The following SETDB2 variants were observed in gnomAD, a reference collection of about 807,000 sequenced individuals.
The protein encoded by SETDB2 is histone-lysine N-methyltransferase SETDB2.
In SETDB2, 56 loss-of-function variants were observed where a neutral mutation model predicts 82.5. The observed-to-expected ratio is 0.68, with a 90% CI of 0.55 to 0.85. SETDB2 has a LOEUF of 0.85. Ranked by LOEUF, SETDB2 falls within the 40% of genes least tolerant of loss-of-function variation. SETDB2 has a pLI of 0.00. For missense variants in SETDB2, 677 were observed against 816.4 expected (o/e 0.83, Z 2.08); for synonymous variants, 272 against 284.9 (o/e 0.95, Z 0.46).
intron 2 of SETDB2, among the ~76,000 whole-genome samples, chr13:49,455,893 T>C (rs974543408): frequency 3.2e-4 from 49 of 152,202 alleles, no homozygotes; most frequent in African/African-American, 1.1e-3. Context: ...TAATAACTTA[T>C]GTTGTTTCAT....
Position 49,491,911 on chromosome 13 carries a change from A to G in SETDB2, c.*62A>G, listed in dbSNP as rs376722511. On this transcript the variant is annotated 3_prime_UTR_variant, in exon 14 of 14. Coordinates refer to ENST00000611815, the MANE Select transcript of SETDB2 (RefSeq NM_001160308.3). The stretch of plus-strand genomic sequence containing the variant: ...CAGGCTGAAATTAAAGCCATGCAAA[A>G]GAAGGTCTAGGTCCATCAAGGAAAT... 1.7e-6 allele frequency: 2 copies of G among 1,150,938 alleles called. No individual in the cohort carries two copies. Among genetic ancestry groups the G allele is most frequent in the Non-Finnish European group, 2.6e-6 (2 of 761,544 alleles). 71.3% of individuals were successfully genotyped at this position (1,150,938 alleles called of 1,614,324 possible).
intron 6 of SETDB2, among the ~76,000 whole-genome samples, chr13:49,479,397 T>A (rs1313110600): frequency 1.3e-5 from 2 of 152,242 alleles, no homozygotes; most frequent in African/African-American, 2.4e-5. Flanking sequence ...AGAACAATTA[T>A]AGATTTTCAT....
chr13:49,460,068 T>G, intron 2 of SETDB2, 39 bp from the exon 3 acceptor site: 1 of 1,579,834 alleles, frequency 6.3e-7, no homozygotes, highest in Non-Finnish European at 8.6e-7. Flanking sequence ...ATAGTATTTT[T>G]CTATTAGCTC....
intron 2 of SETDB2, among the ~76,000 whole-genome samples, chr13:49,458,250 A>AT (rs1252451090): frequency 6.6e-6 from 1 of 151,990 alleles, no homozygotes; most frequent in Non-Finnish European, 1.5e-5. Flanking sequence ...CGCCTGGCTG[A>AT]TTTTTTTGTA....
intron 1 of SETDB2, among the ~76,000 whole-genome samples, chr13:49,451,116 C>T (rs1344731375): frequency 1.3e-5 from 2 of 151,418 alleles, no homozygotes; most frequent in African/African-American, 4.8e-5. Context: ...ATTAAATATA[C>T]TACAATCCAA....
chr13:49,460,676 GT>G (rs1957975219), intron 3 of SETDB2, among the ~76,000 whole-genome samples: 1 of 152,080 alleles, frequency 6.6e-6, no homozygotes, highest in Non-Finnish European at 1.5e-5. Flanking sequence ...GTCAACCCTG[GT>G]TGGTTGTAGA....
At chr13:49,488,707 TAAAC>T in intron 12 of SETDB2, 77 bp downstream of exon 12, 1 of 1,193,172 alleles carries the variant, frequency 8.4e-7, no homozygotes, top group Non-Finnish European at 1.2e-6. Context: ...ATGAGGAAAA[TAAAC>T]AGACTCTAAA....
At chr13:49,483,397 C>T in intron 9 of SETDB2, 67 bp from the exon 10 acceptor site, 1 of 569,634 alleles carries the variant, frequency 1.8e-6, no homozygotes, top group Admixed American at 3.8e-5. Context: ...TGGATATTAT[C>T]TGTACTTGAG....
chr13:49,448,182 C>G (rs1212786028), intron 1 of SETDB2, among the ~76,000 whole-genome samples: 1 of 152,080 alleles, frequency 6.6e-6, no homozygotes, highest in Non-Finnish European at 1.5e-5. Context: ...GCACACATCT[C>G]TAGTAATATC....
At chr13:49,452,045 C>A in intron 2 of SETDB2, 136 bp downstream of exon 2, 2 of 515,102 alleles carry the variant, frequency 3.9e-6, no homozygotes, top group Non-Finnish European at 3.2e-6. Context: ...AGGGTTTATT[C>A]TTGTATAGCC....
intron 2 of SETDB2, among the ~76,000 whole-genome samples, chr13:49,452,586 T>C (rs1957806001): frequency 6.6e-6 from 1 of 152,208 alleles, no homozygotes; most frequent in Admixed American, 6.5e-5. Flanking sequence ...CTGAAGTCCA[T>C]AGTATATTCA....
At chr13:49,469,529 G>T (rs972415199) in intron 5 of SETDB2, among the ~76,000 whole-genome samples, 3 of 152,118 alleles carry the variant, frequency 2.0e-5, no homozygotes, top group African/African-American at 4.8e-5. Context: ...ATATTTAGAA[G>T]CCACACCCTT....
intron 4 of SETDB2, among the ~76,000 whole-genome samples, chr13:49,464,776 T>C (rs1566161766): frequency 6.6e-6 from 1 of 152,154 alleles, no homozygotes; most frequent in African/African-American, 2.4e-5. Flanking sequence ...TAAAGGTTCA[T>C]GTGGGCTGAA....
intron 6 of SETDB2, among the ~76,000 whole-genome samples, chr13:49,479,560 G>C (rs1369644413): frequency 1.3e-5 from 2 of 152,182 alleles, no homozygotes; most frequent in Non-Finnish European, 2.9e-5. Context: ...CACTTGTTCA[G>C]CAAAGGAGAC....
intron 5 of SETDB2, among the ~76,000 whole-genome samples, chr13:49,472,153 G>T (rs917351932): frequency 6.6e-6 from 1 of 151,756 alleles, no homozygotes; most frequent in African/African-American, 2.4e-5. Flanking sequence ...ACATCTTTGA[G>T]TACACTGAAA....
chr13:49,473,725 A>G (rs990418016), intron 5 of SETDB2, among the ~76,000 whole-genome samples: 4 of 152,154 alleles, frequency 2.6e-5, no homozygotes, highest in African/African-American at 9.6e-5. Flanking sequence ...CTTGAGAGTG[A>G]GTAACCTATA....
chr13:49,471,618 TACATG>T (rs781186041), intron 5 of SETDB2, among the ~76,000 whole-genome samples: 46 of 152,102 alleles, frequency 3.0e-4, no homozygotes, highest in Non-Finnish European at 5.3e-4. Flanking sequence ...TATGGCTTTT[TACATG>T]ACATGCACAC....
At position 49,492,317 on chromosome 13, in the gene SETDB2, C is replaced by T. The variant is rs1958728466; in HGVS notation, c.*468C>T. Reference sequence around the variant, plus strand: ...ATGAGCTACAAGGTGGGCAACAGCGCCTGAGGATCTAATTTTATGCATATT... The same window carrying T: ...ATGAGCTACAAGGTGGGCAACAGCGTCTGAGGATCTAATTTTATGCATATT... On this transcript the variant is annotated 3_prime_UTR_variant, in exon 14 of 14. Coordinates refer to ENST00000611815, the MANE Select transcript of SETDB2 (RefSeq NM_001160308.3). The T allele has an allele frequency of 6.0e-6, 1 of 166,144 alleles. No homozygotes were observed. The highest frequency in any genetic ancestry group is 5.9e-5 in the Admixed American group (1 of 16,822). 10.3% of individuals were successfully genotyped at this position (166,144 alleles called of 1,614,324 possible).
chr13:49,481,390 C>T (rs1412053442), intron 8 of SETDB2, among the ~76,000 whole-genome samples: 1 of 151,812 alleles, frequency 6.6e-6, no homozygotes, highest in African/African-American at 2.4e-5. Context: ...GTTTTGTCTG[C>T]ATGGCTACAG....
Sources: gnomAD v4.1 joint callset for allele counts (sites outside exome capture counted in the v4.1 genomes callset) on GRCh38, gnomAD v4.1.1 for gene constraint, MANE v1.5 for transcripts, NCBI Gene and HGNC (gene_info 2026-07-23, HGNC 2026-07-21) for gene names.